VEPH1: variants seen among roughly 807,000 people sequenced by gnomAD.
The protein encoded by VEPH1 is ventricular zone-expressed PH domain-containing protein homolog 1.
Under a neutral mutation model 85.2 loss-of-function variants are expected in VEPH1, and 80 were observed. The ratio of observed to expected loss-of-function variants is 0.94; its 90% CI spans 0.78 to 1.13. The LOEUF is 1.13. VEPH1 is among the 50% of genes most tolerant of loss of function. The pLI is 0.00. For missense variants in VEPH1, 955 were observed against 980.5 expected (o/e 0.97, Z 0.35); for synonymous variants, 297 against 348.0 (o/e 0.85, Z 1.63).
intron 11 of VEPH1, among the ~76,000 whole-genome samples, chr3:157,304,711 C>T (rs997546083): frequency 2.0e-5 from 3 of 152,084 alleles, no homozygotes; most frequent in African/African-American, 4.8e-5. Flanking sequence ...GTAAACTGCT[C>T]ATTTACATAA....
chr3:157,355,901 CTTT>C (rs142961206), intron 9 of VEPH1, among the ~76,000 whole-genome samples: 11 of 139,354 alleles, frequency 7.9e-5, no homozygotes, highest in Non-Finnish European at 1.2e-4. Flanking sequence ...CTCTCTCACT[CTTT>C]TTTTTTTTTT....
At chr3:157,272,301 C>CCT (rs1351189587) in intron 12 of VEPH1, among the ~76,000 whole-genome samples, 150 of 122,178 alleles carry the variant, frequency 1.2e-3, no homozygotes, top group Non-Finnish European at 2.4e-3. Flanking sequence ...TCCTTCCCTT[C>CCT]CTCTCTCTCT....
At chr3:157,338,566 T>C (rs1353561625) in intron 9 of VEPH1, among the ~76,000 whole-genome samples, 1 of 152,232 alleles carries the variant, frequency 6.6e-6, no homozygotes, top group African/African-American at 2.4e-5. Context: ...TGTTTGAAAA[T>C]ACCATGCATG....
intron 3 of VEPH1, among the ~76,000 whole-genome samples, chr3:157,467,125 ATGTGTG>A (rs57109409): frequency 4.8e-5 from 7 of 145,346 alleles, no homozygotes; most frequent in African/African-American, 1.8e-4. Flanking sequence ...GTGTGTGTGT[ATGTGTG>A]TGTGTGTGTG....
chr3:157,480,742 A>G (rs1030341078), intron 2 of VEPH1, among the ~76,000 whole-genome samples: 7 of 152,164 alleles, frequency 4.6e-5, no homozygotes, highest in African/African-American at 1.4e-4. Context: ...TATTGTGAAT[A>G]GTGCTGCAAT....
At chr3:157,446,364 T>G (rs920739567) in intron 4 of VEPH1, among the ~76,000 whole-genome samples, 1 of 152,138 alleles carries the variant, frequency 6.6e-6, no homozygotes, top group Non-Finnish European at 1.5e-5. Context: ...AGAGCTAATT[T>G]TTTGGCAGAG....
chr3:157,429,117 C>A (rs1377419863), intron 4 of VEPH1, among the ~76,000 whole-genome samples: 3 of 152,174 alleles, frequency 2.0e-5, no homozygotes, highest in Non-Finnish European at 1.5e-5. Flanking sequence ...TTTATAATGG[C>A]AAAACCTCAA....
At chr3:157,492,424 G>T (rs1739299661) in intron 2 of VEPH1, among the ~76,000 whole-genome samples, 1 of 152,086 alleles carries the variant, frequency 6.6e-6, no homozygotes. Context: ...CAACAAAATT[G>T]AGTTTTCCAG....
chr3:157,263,282 T>C (rs1473263990), intron 13 of VEPH1, among the ~76,000 whole-genome samples: 1 of 152,190 alleles, frequency 6.6e-6, no homozygotes, highest in Non-Finnish European at 1.5e-5. Context: ...CCGCAAGTTT[T>C]GTCAGAGTTA....
chr3:157,471,709 C>T (rs1736975304), intron 2 of VEPH1, among the ~76,000 whole-genome samples: 1 of 145,704 alleles, frequency 6.9e-6, no homozygotes, highest in South Asian at 2.2e-4. Flanking sequence ...TTTAGGTGAC[C>T]TCATCTTTTT....
intron 3 of VEPH1, among the ~76,000 whole-genome samples, chr3:157,466,849 T>A (rs1033098331): frequency 6.6e-6 from 1 of 152,300 alleles, no homozygotes; most frequent in East Asian, 1.9e-4. Flanking sequence ...TGTAGAAACA[T>A]ATGGCCCAAG....
intron 11 of VEPH1, among the ~76,000 whole-genome samples, chr3:157,307,279 T>C (rs544656035): frequency 6.6e-6 from 1 of 152,034 alleles, no homozygotes; most frequent in African/African-American, 2.4e-5. Context: ...TGTGTGAACA[T>C]TCCCACTTTT....
chr3:157,314,191 G>T lies in VEPH1; in HGVS notation c.1876-436C>A, dbSNP rs549049393. Among the ~76,000 whole-genome samples the T allele has an allele frequency of 1.8e-3, 268 of 151,494 alleles. 2 individuals carry two copies. The highest frequency in any genetic ancestry group is 0.017 in the Middle Eastern group (5 of 294). On this transcript the variant is annotated intron_variant, in intron 10 of 13. Coordinates refer to ENST00000362010, the MANE Select transcript of VEPH1 (RefSeq NM_001167912.2). Reference sequence around the variant, plus strand: ...ACTAAAAATAAAAAAAAATTAGCCGGGCGTGGTGGCGGGAGCCTGTAGTCC... The same window carrying T: ...ACTAAAAATAAAAAAAAATTAGCCGTGCGTGGTGGCGGGAGCCTGTAGTCC...
intron 2 of VEPH1, among the ~76,000 whole-genome samples, chr3:157,482,231 TTGTTCATTTTAAGACAGAGTCTCACTC>T (rs1241732573): frequency 1.3e-5 from 2 of 151,416 alleles, no homozygotes; most frequent in African/African-American, 4.9e-5. Flanking sequence ...GGTTTTTTGT[TTGTTCATTTTAAGACAGAGTCTCACTC>T]TGTCGCCCAG....
At chr3:157,409,455 T>C (rs1018063749) in intron 6 of VEPH1, among the ~76,000 whole-genome samples, 6 of 152,156 alleles carry the variant, frequency 3.9e-5, no homozygotes, top group African/African-American at 1.4e-4. Context: ...CTGGAAGTGT[T>C]CTGTGAGTCA....
chr3:157,453,534 A>G (rs1735135448), intron 4 of VEPH1, among the ~76,000 whole-genome samples: 1 of 152,202 alleles, frequency 6.6e-6, no homozygotes, highest in African/African-American at 2.4e-5. Flanking sequence ...TGTAATTATC[A>G]TCATCATCAT....
At chr3:157,299,049 G>A (rs1559935024) in intron 11 of VEPH1, among the ~76,000 whole-genome samples, 2 of 152,170 alleles carry the variant, frequency 1.3e-5, no homozygotes, top group Non-Finnish European at 2.9e-5. Flanking sequence ...TCGCATTTTA[G>A]TGATACAGCC....
chr3:157,429,745 A>C (rs1226907953), intron 4 of VEPH1, among the ~76,000 whole-genome samples: 3 of 152,180 alleles, frequency 2.0e-5, no homozygotes, highest in Non-Finnish European at 2.9e-5. Context: ...AAGATCAGGA[A>C]TTTTTTAATG....
In VEPH1 at chr3:157,287,358, G is replaced by C. The variant is rs540473535; in HGVS notation, c.2011-684C>G. 1.8e-3 allele frequency among the ~76,000 whole-genome samples: 266 copies of C among 151,690 alleles called. 2 individuals carry two copies. The highest frequency in any genetic ancestry group is 0.017 in the Middle Eastern group (5 of 292). On this transcript the variant is annotated intron_variant, in intron 11 of 13. Coordinates refer to ENST00000362010, the MANE Select transcript of VEPH1 (RefSeq NM_001167912.2). ...CCACTGTACTCCAGCCCGGGTGACA[G>C]AGTGAGACCCTGTCTCAAAAAATAT...
Sources: allele counts gnomAD v4.1 joint callset (sites outside exome capture counted in the v4.1 genomes callset), GRCh38; gene constraint gnomAD v4.1.1; transcripts MANE v1.5; gene names NCBI Gene and HGNC (gene_info 2026-07-23, HGNC 2026-07-21).